The following CSMD1 variants were observed in gnomAD, a reference collection of about 807,000 sequenced individuals.
CSMD1 encodes the protein CUB and Sushi multiple domains 1, also known as CUB and sushi domain-containing protein 1.
In CSMD1, 213 loss-of-function variants were observed where a neutral mutation model predicts 417.5. The observed-to-expected ratio is 0.51, with a 90% CI of 0.46 to 0.57. CSMD1 has a LOEUF of 0.57. CSMD1 is among the 20% of genes least tolerant of loss of function. CSMD1 has a pLI of 0.00. For missense variants in CSMD1, 6,923 were observed against 4,529.7 expected (o/e 1.53, Z -15.17); for synonymous variants, 2,862 against 1,736.8 (o/e 1.65, Z -16.11).
intron 1 of CSMD1, among the ~76,000 whole-genome samples, chr8:4,647,955 G>T (rs141293598): frequency 0.026 from 3,977 of 152,264 alleles, 66 homozygotes; most frequent in South Asian, 0.049. Context: ...CTGGTCAAAT[G>T]GTATTTCTGG....
chr8:4,929,920 T>C (rs1368093331), intron 1 of CSMD1, among the ~76,000 whole-genome samples: 8 of 152,190 alleles, frequency 5.3e-5, no homozygotes, highest in African/African-American at 1.7e-4. Flanking sequence ...TAAAAGTATA[T>C]TGCAAGAGCT....
At chr8:3,535,091 G>A (rs1481598852) in intron 10 of CSMD1, among the ~76,000 whole-genome samples, 3 of 151,854 alleles carry the variant, frequency 2.0e-5, no homozygotes, top group South Asian at 2.1e-4. Flanking sequence ...GGGACTACAG[G>A]GTGTACCAAC....
rs1037492034 is a variant in CSMD1, at chr8:3,273,905, G to T, written c.4153+10239C>A. Among the ~76,000 whole-genome samples the T allele has an allele frequency of 5.9e-5, 9 of 152,064 alleles. No individual in the cohort carries two copies. The East Asian group carries it at 1.4e-3, about 23-fold the overall frequency. On this transcript the variant is annotated intron_variant, in intron 26 of 69. Coordinates refer to ENST00000635120, the MANE Select transcript of CSMD1 (RefSeq NM_033225.6). ...TCCTGGATTCGTTAATTTTTTGAAG[G>T]GTTTTTTGTGTCTCTATTTCCTTCA...
At chr8:3,163,288 G>C (rs1820005683) in intron 37 of CSMD1, among the ~76,000 whole-genome samples, 1 of 152,160 alleles carries the variant, frequency 6.6e-6, no homozygotes, top group Admixed American at 6.5e-5. Context: ...TGGGGCCTTG[G>C]ATTCGCACTT....
chr8:3,692,358 A>C (rs994751997), intron 7 of CSMD1, among the ~76,000 whole-genome samples: 2 of 152,170 alleles, frequency 1.3e-5, no homozygotes, highest in African/African-American at 4.8e-5. Context: ...CAGACTCAGG[A>C]AAGAGACTCG....
chr8:4,120,585 G>A (rs910293665), intron 3 of CSMD1, among the ~76,000 whole-genome samples: 2 of 152,206 alleles, frequency 1.3e-5, no homozygotes, highest in Admixed American at 6.5e-5. Context: ...CAAATGGCCT[G>A]TGGCCTCACA....
chr8:3,193,584 C>T (rs903817760), intron 33 of CSMD1, among the ~76,000 whole-genome samples: 1 of 152,042 alleles, frequency 6.6e-6, no homozygotes, highest in Non-Finnish European at 1.5e-5. Flanking sequence ...TATTGTCTGT[C>T]GTCATCATTC....
At chr8:3,884,423 G>C (rs1806415470) in intron 5 of CSMD1, among the ~76,000 whole-genome samples, 1 of 152,142 alleles carries the variant, frequency 6.6e-6, no homozygotes, top group South Asian at 2.1e-4. Flanking sequence ...TGTTACAAGG[G>C]ACACAGAAAG....
chr8:3,893,188 G>T (rs942252060), intron 5 of CSMD1, among the ~76,000 whole-genome samples: 3 of 151,182 alleles, frequency 2.0e-5, no homozygotes, highest in Non-Finnish European at 4.4e-5. Context: ...CATGTTCCCA[G>T]GGCACGTCAG....
chr8:3,435,033 T>C (rs892456045), intron 12 of CSMD1, among the ~76,000 whole-genome samples: 1 of 151,070 alleles, frequency 6.6e-6, no homozygotes, highest in African/African-American at 2.4e-5. Context: ...GACTGGGAGC[T>C]GGTAGCAGAG....
chr8:3,614,725 T>C lies in CSMD1; in HGVS notation c.1097+1985A>G, dbSNP rs1007145022. Among the ~76,000 whole-genome samples, 3 of 152,234 alleles carry C rather than the reference T, an allele frequency of 2.0e-5. No individual in the cohort carries two copies. In the East Asian group the frequency reaches 5.8e-4, roughly 29 times the overall value. Reference sequence around the variant, plus strand: ...GATACAAGATGGGCAGTTCCTCTGATACACAAAGTATATATCACACATAGA... The same window carrying C: ...GATACAAGATGGGCAGTTCCTCTGACACACAAAGTATATATCACACATAGA... On this transcript the variant is annotated intron_variant, in intron 8 of 69. Coordinates refer to ENST00000635120, the MANE Select transcript of CSMD1 (RefSeq NM_033225.6).
chr8:4,968,883 C>T (rs1020895133), intron 1 of CSMD1, among the ~76,000 whole-genome samples: 1 of 152,194 alleles, frequency 6.6e-6, no homozygotes, highest in Non-Finnish European at 1.5e-5. Flanking sequence ...AAGCATCAGT[C>T]TGTCTCTCGG....
At chr8:4,104,989 C>T (rs191956865) in intron 3 of CSMD1, among the ~76,000 whole-genome samples, 9 of 110,564 alleles carry the variant, frequency 8.1e-5, no homozygotes, top group African/African-American at 2.6e-4. Flanking sequence ...AACAGTTTCA[C>T]ATTAAAAAAA....
At chr8:4,175,306 C>T (rs930575424) in intron 3 of CSMD1, among the ~76,000 whole-genome samples, 1 of 152,098 alleles carries the variant, frequency 6.6e-6, no homozygotes, top group Admixed American at 6.6e-5. Flanking sequence ...GACAGTGAAT[C>T]TTCCATTGTT....
intron 1 of CSMD1, among the ~76,000 whole-genome samples, chr8:4,789,699 G>A (rs1018159936): frequency 2.6e-5 from 4 of 152,084 alleles, no homozygotes; most frequent in South Asian, 2.1e-4. Context: ...ACTTATTTAT[G>A]ATCCTGTATA....
At chr8:3,983,549 G>C (rs1814069911) in intron 5 of CSMD1, among the ~76,000 whole-genome samples, 2 of 152,310 alleles carry the variant, frequency 1.3e-5, no homozygotes, top group Middle Eastern at 3.4e-3. Flanking sequence ...CAGTGCCGTG[G>C]AGAAGGACAG....
intron 7 of CSMD1, among the ~76,000 whole-genome samples, chr8:3,703,093 T>C (rs1800958725): frequency 6.6e-6 from 1 of 152,222 alleles, no homozygotes; most frequent in African/African-American, 2.4e-5. Flanking sequence ...TATTAATGAC[T>C]ATCTTAATAT....
chr8:3,525,410 A>G (rs979772622), intron 10 of CSMD1, among the ~76,000 whole-genome samples: 3 of 152,218 alleles, frequency 2.0e-5, no homozygotes, highest in Admixed American at 6.5e-5. Context: ...TCATAGTAAT[A>G]TCCCAGGTAC....
In CSMD1 at chr8:3,118,382, C is replaced by G. The variant is rs764779175; in HGVS notation, c.6430+17G>C. 9 of 1,587,490 alleles carry G rather than the reference C, an allele frequency of 5.7e-6. No homozygotes were observed. Among genetic ancestry groups the G allele is most frequent in the Non-Finnish European group, 7.8e-6 (9 of 1,160,732 alleles). On this transcript the variant is annotated intron_variant, in intron 42 of 69. Transcript: ENST00000635120. ...CATGAAACATTAAATCGCCCCCATG[C>G]AAAGTGATGAACTTACCATCACATC... is the stretch of plus-strand genomic sequence containing the variant.
Sources: gnomAD v4.1 joint callset for allele counts (sites outside exome capture counted in the v4.1 genomes callset) on GRCh38, gnomAD v4.1.1 for gene constraint, MANE v1.5 for transcripts, NCBI Gene and HGNC (gene_info 2026-07-23, HGNC 2026-07-21) for gene names.